Variants in MARK1 observed in about 807,000 individuals in gnomAD.
MARK1 encodes the protein microtubule affinity regulating kinase 1.
In MARK1, 40 loss-of-function variants were observed where a neutral mutation model predicts 96.3. The observed-to-expected ratio is 0.42, with a 90% confidence interval of 0.32 to 0.54. The LOEUF is 0.54. Ranked by LOEUF, MARK1 falls within the 20% of genes least tolerant of loss-of-function variation. The probability of loss-of-function intolerance (pLI) is 0.16; values close to 1 mark genes in which losing one functional copy is unlikely to be tolerated. For missense variants in MARK1, 719 were observed against 984.6 expected (o/e 0.73, Z 3.61); for synonymous variants, 317 against 341.2 (o/e 0.93, Z 0.78).
chr1:220,581,001 T>C (rs899248896), intron 2 of MARK1, 64 bp from the exon 3 acceptor site: 36 of 645,750 alleles, frequency 5.6e-5, no homozygotes, highest in Non-Finnish European at 7.9e-5. Context: ...ATTGGATTTT[T>C]TGAAAGTTTT....
chr1:220,645,379 C>A (rs1668523408), intron 13 of MARK1, among the ~76,000 whole-genome samples: 1 of 152,158 alleles, frequency 6.6e-6, no homozygotes, highest in African/African-American at 2.4e-5. Context: ...GCTTGAATCC[C>A]TGAATAGACC....
At position 220,528,619 on chromosome 1, in the gene MARK1, G is replaced by A. The variant is rs971707479; in HGVS notation, c.-204G>A. 12 of 491,544 alleles carry A rather than the reference G, an allele frequency of 2.4e-5. No individual in the cohort carries two copies. The highest frequency in any genetic ancestry group is 1.9e-4 in the African/African-American group (9 of 48,570). The allele number at this position is 491,544 out of a possible 1,614,324, so 30.4% of individuals were successfully genotyped here. A position where few individuals can be genotyped will look rare whatever the true frequency, so the allele number is the denominator to read the frequency against. Reference sequence around the variant, plus strand: ...GTCCGCATACCCCGGCGGCGCCGCCGCGGGAAGCGGCTCCCCCTCCTCTTC... The same window carrying A: ...GTCCGCATACCCCGGCGGCGCCGCCACGGGAAGCGGCTCCCCCTCCTCTTC... On this transcript the variant is annotated 5_prime_UTR_variant, in exon 1 of 18. Coordinates refer to ENST00000366917, the MANE Select transcript of MARK1 (RefSeq NM_018650.5).
chr1:220,645,348 C>A (rs931736895), intron 13 of MARK1, among the ~76,000 whole-genome samples: 8 of 152,132 alleles, frequency 5.3e-5, no homozygotes, highest in African/African-American at 1.9e-4. Context: ...CACATACACC[C>A]TCCCAAGACT....
chr1:220,567,289 A>G (rs898956632), intron 1 of MARK1, among the ~76,000 whole-genome samples: 1 of 152,118 alleles, frequency 6.6e-6, no homozygotes, highest in African/African-American at 2.4e-5. Context: ...TATTGCAGTG[A>G]ATGTCTGACC....
intron 13 of MARK1, among the ~76,000 whole-genome samples, chr1:220,646,539 G>T (rs764797910): frequency 5.9e-5 from 9 of 152,028 alleles, no homozygotes; most frequent in Non-Finnish European, 1.0e-4. Flanking sequence ...ATTCTTCACA[G>T]AATTAGAAAA....
intron 9 of MARK1, among the ~76,000 whole-genome samples, chr1:220,625,139 A>G (rs1012085287): frequency 1.3e-5 from 2 of 152,228 alleles, no homozygotes; most frequent in African/African-American, 4.8e-5. Flanking sequence ...GTAGTGAGAG[A>G]AACAGTATAT....
rs1667940899 is a variant in MARK1 at position 220,636,007 on chromosome 1, A to C, written c.1451A>C (p.Lys484Thr). The C allele has an allele frequency of 1.2e-6, 2 of 1,611,226 alleles. No homozygotes were observed. The highest frequency in any genetic ancestry group is 2.2e-5 in the East Asian group (1 of 44,810). ...ASPLVGPERK[K>T]SSTIPSNNVY... ...CCTCTTGTAGGGCCAGAGAGGAAAA[A>C]ATCTTCAACTATTCCAAGTGTGAGT... is the stretch of plus-strand genomic sequence containing the variant. The change falls in exon 13 of 18, where the codon AAA (lysine) becomes ACA (threonine). Residue 484 changes from lysine (K) to threonine (T), a missense_variant. Lys to Thr is a moderately conservative substitution (Grantham distance 78). Coordinates refer to ENST00000366917, the MANE Select transcript of MARK1 (RefSeq NM_018650.5).
In MARK1 at chr1:220,630,892, C is replaced by T. The variant is rs1667644646; in HGVS notation, c.910-143C>T. On this transcript the variant is annotated intron_variant, in intron 9 of 17. Transcript: ENST00000366917. ...TTGTGTGTGTCCCAAAGTCTTACAC[C>T]TCTTTTTGGCCCACTAATCAAACTA... 3 of 605,104 alleles carry T rather than the reference C, an allele frequency of 5.0e-6. No homozygotes were observed. The Admixed American group carries it at 8.7e-5, about 18-fold the overall frequency. 37.5% of individuals were successfully genotyped at this position (605,104 alleles called of 1,614,324 possible).
chr1:220,658,619 C>T (rs992498848), intron 17 of MARK1, among the ~76,000 whole-genome samples: 2 of 152,190 alleles, frequency 1.3e-5, no homozygotes, highest in South Asian at 2.1e-4. Context: ...GTAAATTTTA[C>T]AACCAACAAG....
intron 2 of MARK1, among the ~76,000 whole-genome samples, chr1:220,579,817 T>C (rs1001236534): frequency 6.6e-6 from 1 of 152,236 alleles, no homozygotes; most frequent in African/African-American, 2.4e-5. Context: ...GATTCTGACT[T>C]TCGTTATATG....
At chr1:220,547,554 A>G (rs1661586245) in intron 1 of MARK1, among the ~76,000 whole-genome samples, 1 of 152,040 alleles carries the variant, frequency 6.6e-6, no homozygotes, top group Non-Finnish European at 1.5e-5. Context: ...CAGTAGTGTC[A>G]AACTGTACTG....
intron 9 of MARK1, chr1:220,625,678 A>C (rs1252819999): frequency 3.1e-6 from 1 of 327,056 alleles, no homozygotes; most frequent in African/African-American, 2.2e-5. Context: ...TTCACTTACC[A>C]TTCCCATACC....
At chr1:220,626,389 G>A in intron 9 of MARK1, 1 of 549,442 alleles carries the variant, frequency 1.8e-6, no homozygotes, top group South Asian at 1.4e-5. Context: ...GGCTGGCAAA[G>A]GCAAGTATTA....
intron 7 of MARK1, among the ~76,000 whole-genome samples, chr1:220,617,309 C>A (rs1418302192): frequency 6.6e-6 from 1 of 151,602 alleles, no homozygotes; most frequent in Non-Finnish European, 1.5e-5. Flanking sequence ...GCTAGTATAC[C>A]ATAAAAAAGA....
chr1:220,557,312 C>T (rs1032664199), intron 1 of MARK1, among the ~76,000 whole-genome samples: 2 of 152,262 alleles, frequency 1.3e-5, no homozygotes, highest in South Asian at 2.1e-4. Context: ...CGGTGGCTCA[C>T]GCCTGTAATC....
rs750007441 is a variant in MARK1, at chr1:220,598,386, A to AAT, written c.358+18_358+19dup. 1.0e-4 allele frequency: 35 copies of AAT among 339,160 alleles called. No individual in the cohort carries two copies. The highest frequency in any genetic ancestry group is 4.0e-4 in the African/African-American group (16 of 40,010). 21.0% of individuals were successfully genotyped at this position (339,160 alleles called of 1,614,324 possible). A position where few individuals can be genotyped will look rare whatever the true frequency, so the allele number is the denominator to read the frequency against. On this transcript the variant is annotated splice_region_variant and intron_variant, in intron 4 of 17. Transcript: ENST00000366917. Reference sequence around the variant, plus strand: ...CTGAATCATCCTAATATAGGTATGAAATATATATATATTATATATATATAT... The same window carrying AAT: ...CTGAATCATCCTAATATAGGTATGAAATATATATATATATTATATATATATAT...
At chr1:220,604,911 G>A (rs907931358) in intron 6 of MARK1, among the ~76,000 whole-genome samples, 1 of 151,966 alleles carries the variant, frequency 6.6e-6, no homozygotes, top group South Asian at 2.1e-4. Context: ...AGTTTAAGTG[G>A]ATAATTTACT....
chr1:220,577,875 C>T (rs1229618922), intron 1 of MARK1, among the ~76,000 whole-genome samples: 1 of 152,114 alleles, frequency 6.6e-6, no homozygotes, highest in Non-Finnish European at 1.5e-5. Flanking sequence ...TACCCCAAAG[C>T]GCATCCAACA....
intron 1 of MARK1, among the ~76,000 whole-genome samples, chr1:220,558,043 T>A (rs557146435): frequency 1.2e-3 from 175 of 151,810 alleles, no homozygotes; most frequent in African/African-American, 4.1e-3. Context: ...GGTGGTAGGA[T>A]CACCTGAGCC....
Sources: gnomAD v4.1 joint callset for allele counts (sites outside exome capture counted in the v4.1 genomes callset) on GRCh38, gnomAD v4.1.1 for gene constraint, MANE v1.5 for transcripts, NCBI Gene and HGNC (gene_info 2026-07-23, HGNC 2026-07-21) for gene names.